AMACR: variants seen among roughly 807,000 people sequenced by gnomAD.
AMACR encodes the protein 2-methylacyl-CoA racemase.
A neutral mutation model predicts 22.2 loss-of-function variants in AMACR; 18 were observed. That is an observed-to-expected ratio of 0.81 (90% confidence interval 0.56 to 1.20). The LOEUF is 1.20. Among genes scored for constraint, AMACR ranks in the 50% most tolerant of loss-of-function variants. The pLI is 0.00. For synonymous variants in AMACR, 213 were observed against 191.3 expected (o/e 1.11, Z -0.94); for missense variants, 499 against 490.6 (o/e 1.02, Z -0.16).
chr5:34,003,242 C>CCGAAAT lies in AMACR; in HGVS notation c.552+1326_552+1331dup, dbSNP rs139845987. ...AGTCTCATATGGCTCCCAAATAACTCCGAAATCTGTTTCTAGTCCCTAACC... is the reference window on the plus strand; with the variant it reads ...AGTCTCATATGGCTCCCAAATAACTCCGAAATCGAAATCTGTTTCTAGTCCCTAACC... On this transcript the variant is annotated intron_variant, in intron 3 of 4. Coordinates refer to ENST00000335606, the MANE Select transcript of AMACR (RefSeq NM_014324.6). Among the ~76,000 whole-genome samples the CCGAAAT allele has an allele frequency of 9.1e-3, 1,393 of 152,274 alleles. 20 individuals are homozygous for CCGAAAT. The highest frequency in any genetic ancestry group is 0.032 in the African/African-American group (1,319 of 41,538).
chr5:34,005,645 G>T, intron 2 of AMACR, 111 bp downstream of exon 2: 3 of 1,341,256 alleles, frequency 2.2e-6, no homozygotes, highest in Non-Finnish European at 3.1e-6. Flanking sequence ...TCTCTTGATT[G>T]ATTCTGATAA....
chr5:34,005,927 A>G, intron 1 of AMACR, 28 bp from the exon 2 acceptor site: 1 of 1,613,570 alleles, frequency 6.2e-7, no homozygotes, highest in Non-Finnish European at 8.5e-7. Context: ...GATCTTCTTA[A>G]GAGAGTATGA....
Position 33,986,973 on chromosome 5 carries a change from TG to T in AMACR, c.*2119del, listed in dbSNP as rs1753310741. 6.6e-6 allele frequency: 1 copy of T among 152,206 alleles called. No individual in the cohort carries two copies. The allele number at this position is 152,206 out of a possible 1,614,324, so 9.4% of individuals were successfully genotyped here. On this transcript the variant is annotated 3_prime_UTR_variant, in exon 5 of 5. Coordinates refer to ENST00000335606, the MANE Select transcript of AMACR (RefSeq NM_014324.6). The stretch of plus-strand genomic sequence containing the variant: ...TTTTCCTTGCTGGACCGAGTTCAAA[TG>T]AAAAGTCTGAGTTGTAGGGAAAACA...
rs575264685 is a variant in AMACR, at chr5:33,988,570, G to A, written c.*523C>T. The A allele has an allele frequency of 9.0e-5, 121 of 1,350,342 alleles. No individual in the cohort carries two copies. The highest frequency in any genetic ancestry group is 2.8e-4 in the Middle Eastern group (1 of 3,612). 83.6% of individuals were successfully genotyped at this position (1,350,342 alleles called of 1,614,324 possible). On this transcript the variant is annotated 3_prime_UTR_variant, in exon 5 of 5. Coordinates refer to ENST00000335606, the MANE Select transcript of AMACR (RefSeq NM_014324.6). ...TTCAATACAGGTGAAACTTTTCTTT[G>A]CAAATTACAAAGTGTGATAACTGTT...
At chr5:33,989,621 A>C in intron 4 of AMACR, 119 bp from the exon 5 acceptor site, 2 of 846,382 alleles carry the variant, frequency 2.4e-6, no homozygotes, top group Non-Finnish European at 3.7e-6. Flanking sequence ...AGGGCTTCTC[A>C]AATGAGTCAA....
chr5:33,988,870 T>A lies in AMACR; in HGVS notation c.*223A>T, dbSNP rs1455831029. Reference sequence around the variant, plus strand: ...AAACTGGAAGGCAGAATAACTACCATAATTTAGTATAAGTACCCAAAGTTT... The same window carrying A: ...AAACTGGAAGGCAGAATAACTACCAAAATTTAGTATAAGTACCCAAAGTTT... On this transcript the variant is annotated 3_prime_UTR_variant, in exon 5 of 5. Transcript: ENST00000335606. The A allele has an allele frequency of 2.9e-6, 4 of 1,384,140 alleles. No individual in the cohort carries two copies. Among genetic ancestry groups the A allele is most frequent in the Non-Finnish European group, 3.7e-6 (4 of 1,072,902 alleles). 85.7% of individuals were successfully genotyped at this position (1,384,140 alleles called of 1,614,324 possible).
chr5:33,988,027 G>C lies in AMACR; in HGVS notation c.*1066C>G. On this transcript the variant is annotated 3_prime_UTR_variant, in exon 5 of 5. Coordinates refer to ENST00000335606, the MANE Select transcript of AMACR (RefSeq NM_014324.6). ...CCTGCTCCACCTTCCTCTTGCGATTGTTGAACGGCAGTTGAGATACTGCGC... is the reference window on the plus strand; with the variant it reads ...CCTGCTCCACCTTCCTCTTGCGATTCTTGAACGGCAGTTGAGATACTGCGC... 3.9e-6 allele frequency: 1 copy of C among 257,692 alleles called. No homozygotes were observed. The highest frequency in any genetic ancestry group is 7.3e-6 in the Non-Finnish European group (1 of 137,328). The allele number at this position is 257,692 out of a possible 1,614,324, so 16.0% of individuals were successfully genotyped here. A position where few individuals can be genotyped will look rare whatever the true frequency, so the allele number is the denominator to read the frequency against.
intron 4 of AMACR, among the ~76,000 whole-genome samples, chr5:33,993,078 C>T (rs534577439): frequency 5.3e-5 from 8 of 152,218 alleles, no homozygotes; most frequent in East Asian, 1.9e-4. Context: ...CACTAACTCC[C>T]GCTCCTACCT....
At chr5:34,003,821 T>C (rs546200420) in intron 3 of AMACR, among the ~76,000 whole-genome samples, 278 of 152,348 alleles carry the variant, frequency 1.8e-3, no homozygotes, top group African/African-American at 6.4e-3. Context: ...GTACCTCCAG[T>C]CTTGTCTCCT....
intron 3 of AMACR, among the ~76,000 whole-genome samples, chr5:34,002,408 T>C (rs1012323277): frequency 6.6e-6 from 1 of 152,232 alleles, no homozygotes; most frequent in Non-Finnish European, 1.5e-5. Context: ...CTTCAGTAAA[T>C]TATTCAAATT....
chr5:33,988,195 G>C lies in AMACR; in HGVS notation c.*898C>G. On this transcript the variant is annotated 3_prime_UTR_variant, in exon 5 of 5. Coordinates refer to ENST00000335606, the MANE Select transcript of AMACR (RefSeq NM_014324.6). ...CCAGGGAAGCTCCAGGAGCAGGCTG[G>C]TTTTATGTAAAGACAATCCCGTCTT... is the stretch of plus-strand genomic sequence containing the variant. 3 of 989,490 alleles carry C rather than the reference G, an allele frequency of 3.0e-6. No homozygotes were observed. In the South Asian group the frequency reaches 5.2e-5, roughly 17 times the overall value. The allele number at this position is 989,490 out of a possible 1,614,324, so 61.3% of individuals were successfully genotyped here. A position where few individuals can be genotyped will look rare whatever the true frequency, so the allele number is the denominator to read the frequency against.
chr5:34,004,704 TCAC>T lies in AMACR; in HGVS notation c.419_421del (p.Gly140del), dbSNP rs779077834. ...GAGATTCAGCGGGGCATACGGATTCTCACCACTTCTGCCAATTTTTGAGAGAAC... is the reference window on the plus strand; with the variant it reads ...GAGATTCAGCGGGGCATACGGATTCTCACTTCTGCCAATTTTTGAGAGAAC... On this transcript the variant is annotated inframe_deletion, in exon 3 of 5. Transcript: ENST00000335606. The T allele has an allele frequency of 6.2e-7, 1 of 1,614,220 alleles. No individual in the cohort carries two copies.
chr5:34,000,892 C>G (rs1237581744), intron 3 of AMACR, among the ~76,000 whole-genome samples: 1 of 152,052 alleles, frequency 6.6e-6, no homozygotes, highest in Non-Finnish European at 1.5e-5. Flanking sequence ...TAATAAAATA[C>G]CCCTTTAATC....
Position 33,988,117 on chromosome 5 carries a change from C to T in AMACR, c.*976G>A, listed in dbSNP as rs150664086. On this transcript the variant is annotated 3_prime_UTR_variant, in exon 5 of 5. Coordinates refer to ENST00000335606, the MANE Select transcript of AMACR (RefSeq NM_014324.6). ...CTACTCCCTCTACTCTGATGGCACCCGGATTAGATTGTGGAATCTACCCCT... is the reference window on the plus strand; with the variant it reads ...CTACTCCCTCTACTCTGATGGCACCTGGATTAGATTGTGGAATCTACCCCT... 5,208 of 526,660 alleles carry T rather than the reference C, an allele frequency of 9.9e-3. 56 individuals are homozygous for T. The highest frequency in any genetic ancestry group is 0.035 in the Middle Eastern group (104 of 2,934). 32.6% of individuals were successfully genotyped at this position (526,660 alleles called of 1,614,324 possible).
intron 4 of AMACR, among the ~76,000 whole-genome samples, chr5:33,994,301 C>T (rs1293831984): frequency 2.0e-5 from 3 of 152,134 alleles, no homozygotes; most frequent in African/African-American, 4.8e-5. Flanking sequence ...GCCTCAGCCT[C>T]CCGAGCAGCT....
rs1178615471 is a variant in AMACR at position 33,998,839 on chromosome 5, CAG to C, written c.553-14_553-13del. The C allele has an allele frequency of 6.2e-7, 1 of 1,613,138 alleles. No individual in the cohort carries two copies. The highest frequency in any genetic ancestry group is 1.1e-5 in the South Asian group (1 of 91,070). On this transcript the variant is annotated splice_polypyrimidine_tract_variant and intron_variant, in intron 3 of 4. Transcript: ENST00000335606. ...GCTGTTCCTTCCACCTTTGAGAAAA[CAG>C]AATACAAGACAAATCCAGATAACTC...
At chr5:34,003,794 C>T (rs1753889088) in intron 3 of AMACR, among the ~76,000 whole-genome samples, 1 of 152,208 alleles carries the variant, frequency 6.6e-6, no homozygotes, top group African/African-American at 2.4e-5. Flanking sequence ...TCAGCAATAA[C>T]CCAGTCATTG....
intron 3 of AMACR, among the ~76,000 whole-genome samples, chr5:34,001,558 A>G (rs900732204): frequency 6.6e-6 from 1 of 152,232 alleles, no homozygotes; most frequent in Non-Finnish European, 1.5e-5. Context: ...AGAAACCTTT[A>G]GGTGGAACTT....
chr5:33,992,614 G>A (rs1203580517), intron 4 of AMACR, among the ~76,000 whole-genome samples: 4 of 152,074 alleles, frequency 2.6e-5, no homozygotes, highest in Non-Finnish European at 5.9e-5. Flanking sequence ...AGAGGCTGAA[G>A]CAGGAGGATT....
Sources: gnomAD v4.1 joint callset for allele counts (sites outside exome capture counted in the v4.1 genomes callset) on GRCh38, gnomAD v4.1.1 for gene constraint, MANE v1.5 for transcripts, NCBI Gene and HGNC (gene_info 2026-07-23, HGNC 2026-07-21) for gene names.